The following PEPD variants were observed in gnomAD, a reference collection of about 807,000 sequenced individuals.
The protein encoded by PEPD is xaa-Pro dipeptidase.
A neutral mutation model predicts 60.7 loss-of-function variants in PEPD; 53 were observed. That is an observed-to-expected ratio of 0.87 (90% CI 0.70 to 1.10). The LOEUF (loss-of-function observed/expected upper bound fraction) is 1.10, where lower values mean the gene tolerates loss of function less well. PEPD is among the 50% of genes least tolerant of loss of function. The pLI is 0.00. For synonymous variants in PEPD, 267 were observed against 284.1 expected, an observed-to-expected ratio of 0.94 and a Z score of 0.60; for missense variants, 711 against 711.9, an observed-to-expected ratio of 1.00 and a Z score of 0.01.
At chr19:33,457,934 C>T (rs35208092) in intron 9 of PEPD, among the ~76,000 whole-genome samples, 62,079 of 152,046 alleles carry the variant, frequency 0.41, 13,279 homozygotes, top group African/African-American at 0.54. Context: ...GCTGGATTCA[C>T]GGAGAGCTCC....
chr19:33,459,673 CT>C (rs10639577), intron 9 of PEPD, among the ~76,000 whole-genome samples: 20 of 149,544 alleles, frequency 1.3e-4, no homozygotes, highest in South Asian at 2.1e-4. Context: ...CGCTCGCTCA[CT>C]TTTTTTTTTT....
chr19:33,454,966 T>G (rs1435413448), intron 9 of PEPD, among the ~76,000 whole-genome samples: 1 of 152,196 alleles, frequency 6.6e-6, no homozygotes, highest in Non-Finnish European at 1.5e-5. Flanking sequence ...AAAGGCATTC[T>G]TCAAAGTACC....
At chr19:33,453,881 C>A (rs1969748039) in intron 9 of PEPD, among the ~76,000 whole-genome samples, 1 of 152,208 alleles carries the variant, frequency 6.6e-6, no homozygotes, top group African/African-American at 2.4e-5. Context: ...CTCTGGGGAC[C>A]ATGCTCTACC....
In PEPD at chr19:33,411,688, G is replaced by T. The variant is rs1417810315; in HGVS notation, c.802C>A (p.Gln268Lys). Residue 268 changes from glutamine (Q) to lysine (K), a missense_variant, in exon 11 of 15, where the codon CAG becomes AAG. Physicochemically the swap from Gln to Lys is moderately conservative, Grantham distance 53. Transcript: ENST00000244137. ...CCTACTTACCACATATCCCCATTCT[G>T]GATCGTTCGGTCGTTGGGAGCTCCG... ...HAGAPNDRTI[Q>K]NGDMCLFDMG... 1.9e-6 allele frequency: 3 copies of T among 1,605,412 alleles called. No homozygotes were observed. Among genetic ancestry groups the T allele is most frequent in the Admixed American group, 1.7e-5 (1 of 59,984 alleles).
intron 7 of PEPD, among the ~76,000 whole-genome samples, chr19:33,476,029 T>G (rs1309613881): frequency 6.6e-6 from 1 of 152,154 alleles, no homozygotes; most frequent in Admixed American, 6.5e-5. Flanking sequence ...TAGGCTAATT[T>G]TTTAAAATTT....
intron 6 of PEPD, among the ~76,000 whole-genome samples, chr19:33,482,780 T>C (rs758040117): frequency 3.3e-5 from 5 of 152,194 alleles, no homozygotes; most frequent in Non-Finnish European, 5.9e-5. Context: ...AACTGATGAA[T>C]GGACAAACGA....
At chr19:33,500,432 C>G (rs1482007932) in intron 4 of PEPD, among the ~76,000 whole-genome samples, 1 of 152,248 alleles carries the variant, frequency 6.6e-6, no homozygotes, top group Non-Finnish European at 1.5e-5. Context: ...AAGAGGACAG[C>G]CACATGCCTA....
At chr19:33,496,475 C>T (rs967884914) in intron 4 of PEPD, among the ~76,000 whole-genome samples, 2 of 152,196 alleles carry the variant, frequency 1.3e-5, no homozygotes, top group Admixed American at 1.3e-4. Context: ...CTCTCCCGAC[C>T]TGGCAGCTCC....
intron 9 of PEPD, among the ~76,000 whole-genome samples, chr19:33,442,966 G>A (rs2145236835): frequency 6.6e-6 from 1 of 152,204 alleles, no homozygotes; most frequent in South Asian, 2.1e-4. Flanking sequence ...CCTCCCCAGG[G>A]CCCAGAACAG....
chr19:33,458,610 GGTGT>G (rs1420684848), intron 9 of PEPD, among the ~76,000 whole-genome samples: 1 of 139,924 alleles, frequency 7.1e-6, no homozygotes, highest in Non-Finnish European at 1.6e-5. Context: ...TGGTGTGGGC[GGTGT>G]GTATGTGTGA....
rs79831059 is a variant in PEPD, at chr19:33,415,887, C to T, written c.672-2244G>A. Among the ~76,000 whole-genome samples, 444 of 152,352 alleles carry T rather than the reference C, an allele frequency of 2.9e-3. 2 individuals are homozygous for T. Among genetic ancestry groups the T allele is most frequent in the African/African-American group, 0.01 (421 of 41,584 alleles). ...GAAATGCTTCACAGTGGACTTCAGT[C>T]CTGAATTTTGTTTTAAATGACCTTT... On this transcript the variant is annotated intron_variant, in intron 9 of 14. Coordinates refer to ENST00000244137, the MANE Select transcript of PEPD (RefSeq NM_000285.4).
intron 7 of PEPD, among the ~76,000 whole-genome samples, chr19:33,474,035 G>A (rs1970172963): frequency 6.6e-6 from 1 of 152,202 alleles, no homozygotes; most frequent in East Asian, 1.9e-4. Context: ...GAGGAACCCT[G>A]TGTCCCCAGC....
At chr19:33,454,129 G>A (rs946486101) in intron 9 of PEPD, among the ~76,000 whole-genome samples, 11 of 152,150 alleles carry the variant, frequency 7.2e-5, no homozygotes, top group Non-Finnish European at 1.3e-4. Context: ...AGATGAGCCC[G>A]GTGCAACCCG....
rs776209368 is a variant in PEPD, at chr19:33,388,072, G to A, written c.1162C>T (p.Arg388Cys). 30 of 1,548,218 alleles carry A rather than the reference G, an allele frequency of 1.9e-5. No homozygotes were observed. Among genetic ancestry groups the A allele is most frequent in the South Asian group, 1.9e-4 (16 of 84,230 alleles). The change falls in exon 14 of 15, where the codon CGC becomes TGC. Residue 388 changes from arginine (R) to cysteine (C), a missense_variant. Transcript: ENST00000244137. ...DVGGYPEGVERIDEPGLRSLR... is the reference protein window; with the variant it reads ...DVGGYPEGVECIDEPGLRSLR... ...CTCCGCAGGCCGGGCTCGTCGATGCGCTCCACGCCCTGTGGGGAACAGAGG... is the reference window on the plus strand; with the variant it reads ...CTCCGCAGGCCGGGCTCGTCGATGCACTCCACGCCCTGTGGGGAACAGAGG...
intron 5 of PEPD, among the ~76,000 whole-genome samples, 161 bp from the exon 6 acceptor site, chr19:33,490,218 C>T (rs920084419): frequency 2.0e-5 from 3 of 152,178 alleles, no homozygotes; most frequent in Non-Finnish European, 4.4e-5. Flanking sequence ...CAGGCCCGGC[C>T]CCAACACAAG....
In PEPD at chr19:33,463,972, C is replaced by T. The variant is rs538519269; in HGVS notation, c.624+15G>A. ...ACTGCTTTCCCCACTCAACCAGAGC[C>T]GGTGCCTGACTTACCTCACGGTGGG... On this transcript the variant is annotated intron_variant, in intron 8 of 14. Coordinates refer to ENST00000244137, the MANE Select transcript of PEPD (RefSeq NM_000285.4). The T allele has an allele frequency of 7.7e-5, 121 of 1,577,362 alleles. 2 individuals are homozygous for T. The South Asian group carries it at 1.2e-3, about 16-fold the overall frequency.
Position 33,464,015 on chromosome 19 carries a change from T to A in PEPD, c.596A>T (p.Asn199Ile). Reference sequence around the variant, plus strand: ...ACGGTGGGCCTCGCTGGAGATTTTATTGGTATAGCGCAGAACCTCCAGCTC... The same window carrying A: ...ACGGTGGGCCTCGCTGGAGATTTTAATGGTATAGCGCAGAACCTCCAGCTC... ...DMELEVLRYT[N>I]KISSEAHREV... Residue 199 changes from asparagine to isoleucine, a missense_variant, in exon 8 of 15, where the codon AAT becomes ATT. Coordinates refer to ENST00000244137, the MANE Select transcript of PEPD (RefSeq NM_000285.4). The A allele has an allele frequency of 6.2e-7, 1 of 1,613,040 alleles. No individual in the cohort carries two copies. The highest frequency in any genetic ancestry group is 8.5e-7 in the Non-Finnish European group (1 of 1,179,304).
At chr19:33,458,342 A>C (rs1157244975) in intron 9 of PEPD, among the ~76,000 whole-genome samples, 1 of 140,228 alleles carries the variant, frequency 7.1e-6, no homozygotes, top group Non-Finnish European at 1.6e-5. Flanking sequence ...TGTGGTGTGT[A>C]GGTGCATGTG....
At chr19:33,407,798 C>T (rs1600090845) in intron 11 of PEPD, among the ~76,000 whole-genome samples, 1 of 152,218 alleles carries the variant, frequency 6.6e-6, no homozygotes, top group Non-Finnish European at 1.5e-5. Flanking sequence ...TTGACGGCTA[C>T]AGGCCCCACA....
Sources: allele counts gnomAD v4.1 joint callset (sites outside exome capture counted in the v4.1 genomes callset), GRCh38; gene constraint gnomAD v4.1.1; transcripts MANE v1.5; gene names NCBI Gene and HGNC (gene_info 2026-07-23, HGNC 2026-07-21).